CPM: variants seen among roughly 807,000 people sequenced by gnomAD.
CPM encodes the protein renal carboxypeptidase.
In CPM, 35 loss-of-function variants were observed where a neutral mutation model predicts 46.4. The observed-to-expected ratio is 0.75, with a 90% CI of 0.58 to 1.00. CPM has a LOEUF of 1.00. CPM is among the 50% of genes least tolerant of loss of function. CPM has a pLI of 0.00. For synonymous variants in CPM, 195 were observed against 195.3 expected (o/e 1.00, Z 0.01); for missense variants, 422 against 530.4 (o/e 0.80, Z 2.01).
At chr12:68,950,781 G>A (rs1179347509) in intron 1 of CPM, among the ~76,000 whole-genome samples, 4 of 152,180 alleles carry the variant, frequency 2.6e-5, no homozygotes, top group South Asian at 2.1e-4. Context: ...TGATCCTCAC[G>A]TGGAAGTGGT....
chr12:68,845,319 A>G (rs1308688255), intron 5 of CPM: 1 of 212,950 alleles, frequency 4.7e-6, no homozygotes, highest in Non-Finnish European at 9.5e-6. Context: ...GACATTTACA[A>G]ATAATACTTT....
chr12:68,847,873 TA>T (rs1228193916), downstream of CPM: 2 of 152,336 alleles, frequency 1.3e-5, no homozygotes, highest in East Asian at 3.9e-4. Context: ...AATTTTAAAA[TA>T]ACATCCTGGG....
Position 68,857,461 on chromosome 12 carries a change from C to A in CPM, c.1090-782G>T, listed in dbSNP as rs537306569. Among the ~76,000 whole-genome samples, 3 of 152,220 alleles carry A rather than the reference C, an allele frequency of 2.0e-5. No homozygotes were observed. The South Asian group carries it at 6.2e-4, about 32-fold the overall frequency. On this transcript the variant is annotated intron_variant, in intron 8 of 8. Coordinates refer to ENST00000551568, the MANE Select transcript of CPM (RefSeq NM_198320.5). ...TTACAGTCATGAGCCACCACATCCA[C>A]CCTCCTTTAAAAGCTTTGATTTTAC...
chr12:68,914,789 C>T (rs1376436818), intron 2 of CPM, among the ~76,000 whole-genome samples: 1 of 152,126 alleles, frequency 6.6e-6, no homozygotes, highest in East Asian at 1.9e-4. Context: ...AGAGACCAGG[C>T]TCTAGAGACT....
intron 2 of CPM, among the ~76,000 whole-genome samples, chr12:68,890,378 A>C (rs1886606462): frequency 6.6e-6 from 1 of 152,196 alleles, no homozygotes; most frequent in African/African-American, 2.4e-5. Flanking sequence ...TAAAAAAAAA[A>C]AAACCAAACC....
chr12:68,934,708 T>C (rs552264877), upstream of CPM, among the ~76,000 whole-genome samples: 18 of 152,302 alleles, frequency 1.2e-4, no homozygotes, highest in African/African-American at 4.3e-4. Flanking sequence ...TGCCAATTCT[T>C]GCTCTGACAC....
downstream of CPM, chr12:68,851,167 AAG>A (rs1884655961): frequency 6.6e-6 from 1 of 152,584 alleles, no homozygotes; most frequent in Non-Finnish European, 1.5e-5. Flanking sequence ...AATGGGAAAA[AAG>A]CATTATTTAT....
At chr12:68,928,988 G>A (rs1888390610) in intron 2 of CPM, among the ~76,000 whole-genome samples, 2 of 151,020 alleles carry the variant, frequency 1.3e-5, no homozygotes, top group South Asian at 2.1e-4. Context: ...GATTATAGAC[G>A]TGAGCCACCA....
intron 1 of CPM, among the ~76,000 whole-genome samples, chr12:68,960,851 T>G (rs1028773766): frequency 9.9e-5 from 15 of 152,206 alleles, no homozygotes; most frequent in African/African-American, 3.6e-4. Context: ...TTAACGATTC[T>G]GCACCTACTT....
intron 1 of CPM, among the ~76,000 whole-genome samples, chr12:68,951,804 A>G (rs1888939697): frequency 6.6e-6 from 1 of 152,144 alleles, no homozygotes; most frequent in African/African-American, 2.4e-5. Context: ...CACACCCTGG[A>G]CTGGGAATGG....
At chr12:68,951,134 T>C (rs979487883) in intron 1 of CPM, among the ~76,000 whole-genome samples, 2 of 152,236 alleles carry the variant, frequency 1.3e-5, no homozygotes, top group Admixed American at 1.3e-4. Context: ...AACTGTGTGA[T>C]CTTAGGAAAC....
chr12:68,903,879 A>ATTCTTTCTTTCTTTCT (rs59823463), intron 2 of CPM, among the ~76,000 whole-genome samples: 15 of 139,948 alleles, frequency 1.1e-4, no homozygotes, highest in African/African-American at 3.7e-4. Context: ...CCTTTCTCTC[A>ATTCTTTCTTTCTTTCT]TTCTTTCTTT....
rs748182899 is a variant in CPM, at chr12:68,856,527, A to G, written c.1242T>C (p.Pro414=). Residue 414 remains proline, a synonymous_variant, in exon 9 of 9, where the codon CCT becomes CCC. Coordinates refer to ENST00000551568, the MANE Select transcript of CPM (RefSeq NM_198320.5). ...PVSNPSCPMI[P]LYRNLPDHSA... ...AGTGGTCTGGCAAATTTCTGTATAG[A>G]GGAATCATTGGGCATGAAGGATTTG... The G allele has an allele frequency of 1.2e-6, 2 of 1,614,244 alleles. No homozygotes were observed. Among genetic ancestry groups the G allele is most frequent in the East Asian group, 2.2e-5 (1 of 44,888 alleles).
intron 5 of CPM, chr12:68,846,036 C>T (rs1290804109): frequency 6.6e-6 from 1 of 152,148 alleles, no homozygotes; most frequent in African/African-American, 2.4e-5. Flanking sequence ...TCATTGCAAC[C>T]TCCACCTCCC....
At chr12:68,944,619 C>G (rs1157667596) in intron 1 of CPM, among the ~76,000 whole-genome samples, 1 of 152,006 alleles carries the variant, frequency 6.6e-6, no homozygotes, top group Non-Finnish European at 1.5e-5. Flanking sequence ...AGGATGGTCT[C>G]AAACTCTTGG....
intron 2 of CPM, among the ~76,000 whole-genome samples, chr12:68,903,544 C>T (rs1160995778): frequency 6.6e-6 from 1 of 152,188 alleles, no homozygotes; most frequent in African/African-American, 2.4e-5. Flanking sequence ...TTGAGAAATG[C>T]CCATTTCAGA....
At chr12:68,859,147 C>A (rs923073056) in intron 7 of CPM, 76 bp from the exon 8 acceptor site, 2 of 749,530 alleles carry the variant, frequency 2.7e-6, no homozygotes, top group South Asian at 1.2e-4. Flanking sequence ...TATTTAAGAA[C>A]AATATATGCA....
chr12:68,961,975 C>T (rs139346466), intron 1 of CPM, among the ~76,000 whole-genome samples: 7,050 of 151,866 alleles, frequency 0.046, 315 homozygotes, highest in South Asian at 0.1. Flanking sequence ...CCAAGGCGGG[C>T]GGATCACGAG....
At chr12:68,946,692 T>C (rs754546475) in intron 1 of CPM, among the ~76,000 whole-genome samples, 2 of 152,174 alleles carry the variant, frequency 1.3e-5, no homozygotes, top group Non-Finnish European at 2.9e-5. Context: ...CTTGGTAAAA[T>C]AACTAGTGTC....
Sources: gnomAD v4.1 joint callset for allele counts (sites outside exome capture counted in the v4.1 genomes callset) on GRCh38, gnomAD v4.1.1 for gene constraint, MANE v1.5 for transcripts, NCBI Gene and HGNC (gene_info 2026-07-23, HGNC 2026-07-21) for gene names.